Variants in WDR75 observed in about 807,000 individuals in gnomAD.
WDR75 encodes the protein WD repeat domain 75.
WDR75 carries 52 observed loss-of-function variants against 106.1 expected under a neutral mutation model. That is an observed-to-expected ratio of 0.49 (90% confidence interval 0.39 to 0.62). The LOEUF (loss-of-function observed/expected upper bound fraction) is 0.62, where lower values mean the gene tolerates loss of function less well. Ranked by LOEUF, WDR75 falls within the 20% of genes least tolerant of loss-of-function variation. The pLI, the probability that WDR75 is intolerant of heterozygous loss-of-function variation, is 0.00. For synonymous variants in WDR75, 333 were observed against 335.5 expected, an observed-to-expected ratio of 0.99 and a Z score of 0.08; for missense variants, 905 against 970.3, an observed-to-expected ratio of 0.93 and a Z score of 0.89.
Position 189,459,355 on chromosome 2 carries a change from A to G in WDR75, c.709A>G (p.Lys237Glu), listed in dbSNP as rs759892926. ...IRLWRNFYDD[K>E]KYTYTCLHWH... ...CAATAGGAGGAATTTTTATGATGAT[A>G]AGAAATATACGTACACATGTTTACA... The change falls in exon 8 of 21, where the codon AAG becomes GAG. Residue 237 changes from lysine to glutamate, a missense_variant. Lys to Glu is a moderately conservative substitution (Grantham distance 56). Coordinates refer to ENST00000314761, the MANE Select transcript of WDR75 (RefSeq NM_032168.3). 2 of 1,608,560 alleles carry G rather than the reference A, an allele frequency of 1.2e-6. No homozygotes were observed. The highest frequency in any genetic ancestry group is 3.4e-5 in the Admixed American group (2 of 58,702).
intron 1 of WDR75, among the ~76,000 whole-genome samples, chr2:189,447,522 C>G (rs1298288848): frequency 2.6e-5 from 4 of 152,198 alleles, no homozygotes; most frequent in Middle Eastern, 3.2e-3. Context: ...TGGAAAAACA[C>G]TGCTGTTGGC....
intron 16 of WDR75, among the ~76,000 whole-genome samples, chr2:189,469,704 T>C (rs1194900286): frequency 6.6e-6 from 1 of 152,176 alleles, no homozygotes; most frequent in Admixed American, 6.6e-5. Context: ...TTGACATATT[T>C]CCAACTGCCC....
intron 13 of WDR75, among the ~76,000 whole-genome samples, chr2:189,467,233 G>T (rs546655650): frequency 2.6e-3 from 402 of 152,116 alleles, no homozygotes; most frequent in African/African-American, 9.1e-3. Flanking sequence ...ATAATAGAAT[G>T]ATTACAATAA....
rs1230727487 is a variant in WDR75, at chr2:189,475,272, A to T, written c.2348A>T (p.Asp783Val). ...MEEEKESEDS[D>V]EENDFTEKVQ... ...GAAGAAAAAGAAAGTGAAGATTCAGATGAAGAAAATGATTTTACCGAAAAA... is the reference window on the plus strand; with the variant it reads ...GAAGAAAAAGAAAGTGAAGATTCAGTTGAAGAAAATGATTTTACCGAAAAA... The change falls in exon 21 of 21, where the codon GAT becomes GTT. Residue 783 changes from aspartate (D) to valine (V), a missense_variant. Asp to Val is a radical substitution (Grantham distance 152). Coordinates refer to ENST00000314761, the MANE Select transcript of WDR75 (RefSeq NM_032168.3). 2 of 1,613,248 alleles carry T rather than the reference A, an allele frequency of 1.2e-6. No individual in the cohort carries two copies. The highest frequency in any genetic ancestry group is 1.7e-6 in the Non-Finnish European group (2 of 1,179,596).
chr2:189,473,555 A>G (rs1687156577), intron 18 of WDR75, among the ~76,000 whole-genome samples: 2 of 152,010 alleles, frequency 1.3e-5, no homozygotes, highest in African/African-American at 4.8e-5. Context: ...TGAAGATACC[A>G]CCACCACCAC....
chr2:189,474,468 G>A (rs1687173356), intron 19 of WDR75, 136 bp downstream of exon 19: 3 of 1,093,444 alleles, frequency 2.7e-6, no homozygotes, highest in East Asian at 2.5e-5. Flanking sequence ...ACAACAAACC[G>A]AGTAACTTAA....
At chr2:189,460,464 G>A (rs1686854813) in intron 8 of WDR75, among the ~76,000 whole-genome samples, 1 of 151,618 alleles carries the variant, frequency 6.6e-6, no homozygotes, top group Non-Finnish European at 1.5e-5. Context: ...ATACTAGTGA[G>A]TGCTTGGTAT....
At position 189,475,196 on chromosome 2, in the gene WDR75, TTC is replaced by T. The variant is rs1558991304; in HGVS notation, c.2289-15_2289-14del. ...AACATTTAATAGTGTTTATATTTTA[TTC>T]TGTTATTGTTAAAGTGCTAAGGAAA... On this transcript the variant is annotated splice_polypyrimidine_tract_variant and intron_variant, in intron 20 of 20. Transcript: ENST00000314761. 6.4e-7 allele frequency: 1 copy of T among 1,557,142 alleles called. No individual in the cohort carries two copies. Among genetic ancestry groups the T allele is most frequent in the Admixed American group, 1.8e-5 (1 of 55,562 alleles).
At chr2:189,452,855 A>T (rs1234556414) in intron 4 of WDR75, among the ~76,000 whole-genome samples, 1 of 152,162 alleles carries the variant, frequency 6.6e-6, no homozygotes, top group Admixed American at 6.5e-5. Context: ...GAAGAATATG[A>T]AGCAGCTTTA....
At chr2:189,449,192 CA>C in intron 2 of WDR75, 2 of 1,234,974 alleles carry the variant, frequency 1.6e-6, no homozygotes, top group Non-Finnish European at 2.1e-6. Context: ...TTTATCTCAA[CA>C]ATATTTTGTT....
At chr2:189,442,245 G>T (rs1686388656) in intron 1 of WDR75, among the ~76,000 whole-genome samples, 1 of 152,052 alleles carries the variant, frequency 6.6e-6, no homozygotes, top group Non-Finnish European at 1.5e-5. Flanking sequence ...AGGATTAAAT[G>T]CCTCAATATG....
chr2:189,459,575 C>A, intron 8 of WDR75, 151 bp downstream of exon 8: 1 of 715,014 alleles, frequency 1.4e-6, no homozygotes, highest in Non-Finnish European at 2.3e-6. Flanking sequence ...GGGCTTTGCT[C>A]AGCACAATAT....
chr2:189,468,150 C>T (rs927901892), intron 14 of WDR75, among the ~76,000 whole-genome samples: 5 of 152,210 alleles, frequency 3.3e-5, no homozygotes, highest in South Asian at 2.1e-4. Flanking sequence ...CAATTGAAAT[C>T]GCAAGTTTTC....
intron 11 of WDR75, 144 bp downstream of exon 11, chr2:189,464,105 AGTT>A: frequency 1.4e-6 from 1 of 715,790 alleles, no homozygotes. Context: ...TACTTAGTTC[AGTT>A]GTTCAGAGCA....
intron 8 of WDR75, among the ~76,000 whole-genome samples, chr2:189,460,361 G>T (rs1442067491): frequency 2.6e-5 from 4 of 152,124 alleles, no homozygotes; most frequent in Admixed American, 6.6e-5. Flanking sequence ...CCTTCAACCC[G>T]ATTATGGTTT....
chr2:189,454,456 T>G (rs1321880475), intron 4 of WDR75, among the ~76,000 whole-genome samples: 1 of 152,184 alleles, frequency 6.6e-6, no homozygotes, highest in Non-Finnish European at 1.5e-5. Context: ...TCTTTTTCCA[T>G]TTTAAAACCC....
chr2:189,470,900 C>T, intron 18 of WDR75, 22 bp downstream of exon 18: 1 of 1,575,050 alleles, frequency 6.3e-7, no homozygotes, highest in African/African-American at 1.4e-5. Flanking sequence ...CCATTCATAG[C>T]AGGATGTATT....
Position 189,459,356 on chromosome 2 carries a change from A to C in WDR75, c.710A>C (p.Lys237Thr), listed in dbSNP as rs767937377. 6.2e-7 allele frequency: 1 copy of C among 1,608,494 alleles called. No individual in the cohort carries two copies. The highest frequency in any genetic ancestry group is 2.2e-5 in the East Asian group (1 of 44,772). ...AATAGGAGGAATTTTTATGATGATA[A>C]GAAATATACGTACACATGTTTACAT... ...IRLWRNFYDD[K>T]KYTYTCLHWH... The change falls in exon 8 of 21, where the codon AAG becomes ACG. Residue 237 changes from lysine (K) to threonine (T), a missense_variant. By Grantham distance (78) the Lys-to-Thr change is moderately conservative (BLOSUM62 -1). Transcript: ENST00000314761.
intron 1 of WDR75, among the ~76,000 whole-genome samples, chr2:189,446,222 C>T (rs944671439): frequency 7.9e-5 from 12 of 152,134 alleles, no homozygotes; most frequent in Non-Finnish European, 1.8e-4. Context: ...TAGATCATTT[C>T]CTAAAGTCAG....
Sources: allele counts gnomAD v4.1 joint callset (sites outside exome capture counted in the v4.1 genomes callset), GRCh38; gene constraint gnomAD v4.1.1; transcripts MANE v1.5; gene names NCBI Gene and HGNC (gene_info 2026-07-23, HGNC 2026-07-21).